The following PCDHGB5 variants were observed in gnomAD, a reference collection of about 807,000 sequenced individuals.
PCDHGB5 encodes protocadherin gamma-B5.
PCDHGB5 carries 48 observed loss-of-function variants against 62.9 expected under a neutral mutation model. The ratio of observed to expected loss-of-function variants is 0.76; its 90% CI spans 0.61 to 0.97. The LOEUF is 0.97. PCDHGB5 is among the 50% of genes least tolerant of loss of function. The probability of loss-of-function intolerance (pLI) is 0.00; values close to 1 mark genes in which losing one functional copy is unlikely to be tolerated. For missense variants in PCDHGB5, 1,118 were observed against 1,198.6 expected (o/e 0.93, Z 0.99); for synonymous variants, 474 against 511.2 (o/e 0.93, Z 0.98).
intron 1 of PCDHGB5, chr5:141,421,355 G>C (rs1561793348): frequency 6.2e-7 from 1 of 1,613,990 alleles, no homozygotes. Flanking sequence ...ACCGAAAAGG[G>C]CTCCTTCGTG....
At chr5:141,415,740 G>GTTTTTTTTTTTTTTTTTTTTTTTTTTT (rs57426385) in intron 1 of PCDHGB5, 4 of 625,042 alleles carry the variant, frequency 6.4e-6, no homozygotes, top group Non-Finnish European at 6.4e-6. Flanking sequence ...GTTTATTAAG[G>GTTTTTTTTTTTTTTTTTTTTTTTTTTT]TTTTTTTTTT....
chr5:141,422,913 G>T, intron 1 of PCDHGB5: 1 of 1,614,248 alleles, frequency 6.2e-7, no homozygotes, highest in Non-Finnish European at 8.5e-7. Context: ...ATGCGCCCGA[G>T]ATCCTGTACC....
At chr5:141,424,901 C>G (rs2096846997) in intron 1 of PCDHGB5, among the ~76,000 whole-genome samples, 1 of 152,134 alleles carries the variant, frequency 6.6e-6, no homozygotes, top group African/African-American at 2.4e-5. Context: ...TTTTTGATCA[C>G]AGGAATCATT....
intron 2 of PCDHGB5, among the ~76,000 whole-genome samples, chr5:141,498,945 G>C (rs1421135706): frequency 8.0e-6 from 1 of 125,434 alleles, no homozygotes; most frequent in Non-Finnish European, 1.6e-5. Context: ...AAGAAAGAAA[G>C]AAAAAGAGAG....
chr5:141,433,204 C>CT, intron 1 of PCDHGB5: 2 of 1,566,944 alleles, frequency 1.3e-6, no homozygotes, highest in Admixed American at 2.0e-5. Flanking sequence ...ATCAAATCTT[C>CT]TTTCTTTTTT....
rs1467125550 is a variant in PCDHGB5 at position 141,511,799 on chromosome 5, T to G, written c.*626T>G. 6.4e-6 allele frequency: 1 copy of G among 157,228 alleles called. No homozygotes were observed. The highest frequency in any genetic ancestry group is 1.4e-5 in the Non-Finnish European group (1 of 70,874). 9.7% of individuals were successfully genotyped at this position (157,228 alleles called of 1,614,324 possible). ...TGCTTGCTGGATTTAGGGAGGGCAT[T>G]TTGCTACCAAGCCTCTTCCCAACGC... On this transcript the variant is annotated 3_prime_UTR_variant, in exon 4 of 4. Coordinates refer to ENST00000617380, the MANE Select transcript of PCDHGB5 (RefSeq NM_018925.3).
At chr5:141,402,816 C>A (rs1009078444) in intron 1 of PCDHGB5, 4 of 1,261,760 alleles carry the variant, frequency 3.2e-6, no homozygotes, top group South Asian at 3.4e-5. Flanking sequence ...ATACCACAAA[C>A]CTGCTCCCAG....
chr5:141,483,243 ATATATCATGAGGTTTTTTTGTT>A (rs555469799), intron 1 of PCDHGB5, among the ~76,000 whole-genome samples: 11 of 151,654 alleles, frequency 7.3e-5, no homozygotes, highest in African/African-American at 2.2e-4. Context: ...ACTGATATGC[ATATATCATGAGGTTTTTTTGTT>A]TTAGAAATAT....
intron 1 of PCDHGB5, among the ~76,000 whole-genome samples, chr5:141,475,204 A>G (rs2099360413): frequency 6.6e-6 from 1 of 152,176 alleles, no homozygotes; most frequent in African/African-American, 2.4e-5. Flanking sequence ...AGATCTTGGG[A>G]AAAGGATTGA....
Position 141,399,540 on chromosome 5 carries a change from C to T in PCDHGB5, c.1413C>T (p.Cys471=), listed in dbSNP as rs775910113. ...CTGGGGCCTCCATCGCGCAAGTCTGCGCCTCGGACCTGGACTTGGGGTTGA... is the reference window on the plus strand; with the variant it reads ...CTGGGGCCTCCATCGCGCAAGTCTGTGCCTCGGACCTGGACTTGGGGTTGA... ...NPPGASIAQV[C]ASDLDLGLNG... Residue 471 remains cysteine (C), a synonymous_variant, in exon 1 of 4, where the codon TGC becomes TGT. Coordinates refer to ENST00000617380, the MANE Select transcript of PCDHGB5 (RefSeq NM_018925.3). 15 of 1,614,052 alleles carry T rather than the reference C, an allele frequency of 9.3e-6. No individual in the cohort carries two copies. The highest frequency in any genetic ancestry group is 1.3e-5 in the Non-Finnish European group (15 of 1,179,894).
intron 1 of PCDHGB5, chr5:141,479,437 C>G (rs2099496053): frequency 6.6e-6 from 1 of 152,224 alleles, no homozygotes; most frequent in Admixed American, 6.5e-5. Flanking sequence ...AATCCACTGT[C>G]TGCACTAAGT....
intron 2 of PCDHGB5, among the ~76,000 whole-genome samples, chr5:141,500,254 G>A (rs1260325865): frequency 1.3e-5 from 2 of 150,426 alleles, no homozygotes; most frequent in Non-Finnish European, 3.0e-5. Context: ...TGTCACCCAG[G>A]CTGGACTGCA....
At chr5:141,463,338 G>A (rs1005543705) in intron 1 of PCDHGB5, among the ~76,000 whole-genome samples, 2 of 150,742 alleles carry the variant, frequency 1.3e-5, no homozygotes, top group African/African-American at 2.4e-5. Flanking sequence ...CAAAACCATG[G>A]TGTTATTCTT....
rs1340366910 is a variant in PCDHGB5 at position 141,490,965 on chromosome 5, C to T, written c.2398-3842C>T. The T allele has an allele frequency of 2.5e-6, 4 of 1,613,738 alleles. No homozygotes were observed. The highest frequency in any genetic ancestry group is 2.7e-5 in the African/African-American group (2 of 74,934). On this transcript the variant is annotated intron_variant, in intron 1 of 3. Transcript: ENST00000617380. This position sits in a 1 kb window ranked among gnomAD's most constrained non-coding sequence, Gnocchi z 5.4. Reference sequence around the variant, plus strand: ...CACGGCCAGACTGGGAACACTCAGCCCCCCAGCGTCTCCCTCGCTCTGCTC... The same window carrying T: ...CACGGCCAGACTGGGAACACTCAGCTCCCCAGCGTCTCCCTCGCTCTGCTC...
chr5:141,415,293 C>G, intron 1 of PCDHGB5: 1 of 1,614,192 alleles, frequency 6.2e-7, no homozygotes, highest in Non-Finnish European at 8.5e-7. Flanking sequence ...CGGTCTCCTG[C>G]GTCTTCCTGG....
At chr5:141,404,521 G>A in intron 1 of PCDHGB5, 2 of 1,613,976 alleles carry the variant, frequency 1.2e-6, no homozygotes, top group Non-Finnish European at 1.7e-6. Flanking sequence ...TTGACTATGA[G>A]CAGTTTAGAG....
chr5:141,458,990 C>T (rs2098958778), intron 1 of PCDHGB5, among the ~76,000 whole-genome samples: 1 of 152,212 alleles, frequency 6.6e-6, no homozygotes, highest in Non-Finnish European at 1.5e-5. Context: ...GCCTCACCCT[C>T]CCAAAGTGCT....
chr5:141,434,924 A>G (rs2097731722), intron 1 of PCDHGB5, among the ~76,000 whole-genome samples: 1 of 151,756 alleles, frequency 6.6e-6, no homozygotes, highest in African/African-American at 2.4e-5. Context: ...ATGTACATAT[A>G]TTTTATATAA....
At chr5:141,446,697 C>T (rs1254994356) in intron 1 of PCDHGB5, among the ~76,000 whole-genome samples, 9 of 152,134 alleles carry the variant, frequency 5.9e-5, no homozygotes, top group Admixed American at 5.9e-4. Context: ...AGGCTGGTCT[C>T]GAACTCTGAT....
Sources: gnomAD v4.1 joint callset for allele counts (sites outside exome capture counted in the v4.1 genomes callset) on GRCh38, gnomAD v4.1.1 for gene constraint, Gnocchi (gnomAD v3.1) non-coding constraint, MANE v1.5 for transcripts, NCBI Gene and HGNC (gene_info 2026-07-23, HGNC 2026-07-21) for gene names.